The following SPMIP11 variants were observed in gnomAD, a reference collection of about 807,000 sequenced individuals.
The protein encoded by SPMIP11 is long intergenic non-protein coding RNA 935.
chr12:48,743,814 C>T, the SPMIP11 span, among the ~76,000 whole-genome samples: 3 of 151,794 alleles, frequency 2.0e-5, no homozygotes, highest in African/African-American at 4.8e-5. Flanking sequence ...TGCCTGTAAT[C>T]CCAGCTACTC....
the SPMIP11 span, among the ~76,000 whole-genome samples, chr12:48,737,381 T>A: frequency 6.6e-6 from 1 of 151,994 alleles, no homozygotes; most frequent in African/African-American, 2.4e-5. Flanking sequence ...AAATTTATGC[T>A]TTCCATTTCT....
the SPMIP11 span, among the ~76,000 whole-genome samples, chr12:48,757,506 C>T: frequency 5.9e-5 from 9 of 151,290 alleles, no homozygotes; most frequent in African/African-American, 1.5e-4. Flanking sequence ...ATGAGCCAGG[C>T]GTGGTGGTGA....
At chr12:48,737,805 T>G in the SPMIP11 span, among the ~76,000 whole-genome samples, 3 of 152,094 alleles carry the variant, frequency 2.0e-5, no homozygotes, top group African/African-American at 7.2e-5. Flanking sequence ...AACATTAATC[T>G]TGATATTATT....
chr12:48,749,564 G>A, the SPMIP11 span, among the ~76,000 whole-genome samples: 8 of 147,784 alleles, frequency 5.4e-5, no homozygotes, highest in African/African-American at 1.7e-4. Context: ...GAACCCAGGA[G>A]GCAGAGCTTT....
At chr12:48,761,717 T>C in the SPMIP11 span, among the ~76,000 whole-genome samples, 2 of 145,352 alleles carry the variant, frequency 1.4e-5, no homozygotes, top group Non-Finnish European at 3.0e-5. Context: ...TTATATAACA[T>C]TCTTTTTTTT....
chr12:48,755,818 A>G, the SPMIP11 span, among the ~76,000 whole-genome samples: 4 of 150,272 alleles, frequency 2.7e-5, no homozygotes, highest in Non-Finnish European at 4.4e-5. Flanking sequence ...ACCAATAACT[A>G]TTCTCAGTCT....
the SPMIP11 span, chr12:48,727,669 C>A: frequency 1.6e-6 from 1 of 637,448 alleles, no homozygotes; most frequent in South Asian, 1.8e-5. Context: ...ATTTATCCTC[C>A]AAGGCCAACA....
At chr12:48,762,047 CTTTT>C in the SPMIP11 span, among the ~76,000 whole-genome samples, 25 of 78,174 alleles carry the variant, frequency 3.2e-4, no homozygotes, top group African/African-American at 1.2e-3. Context: ...TTATAACATT[CTTTT>C]TTTTTTTTTT....
the SPMIP11 span, among the ~76,000 whole-genome samples, chr12:48,740,914 C>A: frequency 1.3e-5 from 2 of 151,874 alleles, no homozygotes; most frequent in Non-Finnish European, 2.9e-5. Context: ...GAGATGAGGT[C>A]TCGCTATGTT....
the SPMIP11 span, among the ~76,000 whole-genome samples, chr12:48,769,764 T>G: frequency 5.3e-5 from 8 of 149,712 alleles, no homozygotes; most frequent in East Asian, 5.9e-4. Flanking sequence ...TTTTTGTTTT[T>G]TTTTTTTTTT....
At chr12:48,760,706 T>C in the SPMIP11 span, among the ~76,000 whole-genome samples, 2 of 152,000 alleles carry the variant, frequency 1.3e-5, no homozygotes, top group African/African-American at 4.8e-5. Context: ...TTTGTATTTT[T>C]AGTAGAGACA....
At chr12:48,741,038 T>A in the SPMIP11 span, among the ~76,000 whole-genome samples, 2 of 151,650 alleles carry the variant, frequency 1.3e-5, no homozygotes, top group African/African-American at 4.8e-5. Flanking sequence ...TAATCTGGAA[T>A]AGTTCCTCCA....
chr12:48,768,399 C>T, the SPMIP11 span: 2,250 of 742,748 alleles, frequency 3.0e-3, 67 homozygotes, highest in South Asian at 0.037. Flanking sequence ...ATAATCCTCT[C>T]GGTAGGTAGC....
At chr12:48,745,785 A>G in the SPMIP11 span, among the ~76,000 whole-genome samples, 1 of 152,232 alleles carries the variant, frequency 6.6e-6, no homozygotes, top group Non-Finnish European at 1.5e-5. Flanking sequence ...ATTGTGTATC[A>G]AAAGACATCA....
At chr12:48,759,706 T>G in the SPMIP11 span, among the ~76,000 whole-genome samples, 7 of 144,254 alleles carry the variant, frequency 4.9e-5, no homozygotes, top group East Asian at 2.0e-4. Context: ...TGTGGTTGGG[T>G]ATGGTTATCA....
the SPMIP11 span, among the ~76,000 whole-genome samples, chr12:48,752,074 A>G: frequency 2.6e-5 from 4 of 151,504 alleles, 1 homozygote; most frequent in Admixed American, 1.3e-4. Flanking sequence ...CTCAAAAAAA[A>G]AAAAACAAAC....
At chr12:48,738,785 AC>A in the SPMIP11 span, among the ~76,000 whole-genome samples, 1 of 152,162 alleles carries the variant, frequency 6.6e-6, no homozygotes, top group African/African-American at 2.4e-5. Context: ...CTGTCACTTC[AC>A]TTTTTCTATT....
chr12:48,746,597 C>A, the SPMIP11 span, among the ~76,000 whole-genome samples: 26 of 151,994 alleles, frequency 1.7e-4, no homozygotes, highest in East Asian at 4.3e-3. Flanking sequence ...GAACCCCTGA[C>A]CCCGTGATCC....
At chr12:48,744,655 G>A in the SPMIP11 span, among the ~76,000 whole-genome samples, 1 of 151,764 alleles carries the variant, frequency 6.6e-6, no homozygotes, top group African/African-American at 2.4e-5. Context: ...GGAGGCGGAG[G>A]TTGCAGTCAG....
Sources: gnomAD v4.1 joint callset for allele counts (sites outside exome capture counted in the v4.1 genomes callset) on GRCh38, gnomAD v4.1.1 for gene constraint, MANE v1.5 for transcripts, NCBI Gene and HGNC (gene_info 2026-07-23, HGNC 2026-07-21) for gene names.